Variants in ERO1A observed in about 807,000 individuals in gnomAD.
The protein encoded by ERO1A is endoplasmic reticulum oxidoreductase 1 alpha, also known as ERO1-like protein alpha.
In ERO1A, 49 loss-of-function variants were observed where a neutral mutation model predicts 76.9. The ratio of observed to expected loss-of-function variants is 0.64; its 90% CI spans 0.51 to 0.81. The LOEUF is 0.81. ERO1A is among the 30% of genes least tolerant of loss of function. The pLI is 0.00. For synonymous variants in ERO1A, 174 were observed against 181.2 expected (o/e 0.96, Z 0.32); for missense variants, 448 against 542.1 (o/e 0.83, Z 1.72).
In ERO1A at chr14:52,643,310, T is replaced by C; in HGVS notation, c.*260A>G. ...TCACTTTTATCATATATGAATTTGA[T>C]AATCCTCCTTTTATTCAATATTAAA... On this transcript the variant is annotated 3_prime_UTR_variant, in exon 16 of 16. Coordinates refer to ENST00000395686, the MANE Select transcript of ERO1A (RefSeq NM_014584.3). 7.6e-6 allele frequency: 2 copies of C among 261,510 alleles called. No individual in the cohort carries two copies. The highest frequency in any genetic ancestry group is 7.1e-6 in the Non-Finnish European group (1 of 141,340). 16.2% of individuals were successfully genotyped at this position (261,510 alleles called of 1,614,324 possible). A position where few individuals can be genotyped will look rare whatever the true frequency, so the allele number is the denominator to read the frequency against.
At position 52,695,372 on chromosome 14, in the gene ERO1A, C is replaced by T; in HGVS notation, c.110G>A (p.Cys37Tyr). 1 of 1,467,822 alleles carries T rather than the reference C, an allele frequency of 6.8e-7. No homozygotes were observed. Among genetic ancestry groups the T allele is most frequent in the Non-Finnish European group, 9.1e-7 (1 of 1,099,614 alleles). 90.9% of individuals were successfully genotyped at this position (1,467,822 alleles called of 1,614,324 possible). The change falls in exon 1 of 16, where the codon TGC (cysteine) becomes TAC (tyrosine). Residue 37 changes from cysteine (C) to tyrosine (Y), a missense_variant. By Grantham distance (194) the Cys-to-Tyr change is radical. Coordinates refer to ENST00000395686, the MANE Select transcript of ERO1A (RefSeq NM_014584.3). ...ACCAACGCGCACATCGCTCACCTGG[C>T]AGAAGCACCTCTGTGCCGCTGTCTC... ...PPETAAQRCFCQVSGYLDDCT... is the reference protein window; with the variant it reads ...PPETAAQRCFYQVSGYLDDCT...
chr14:52,653,112 C>T lies in ERO1A; in HGVS notation c.1012G>A (p.Glu338Lys), dbSNP rs1313836546. 1.3e-6 allele frequency: 2 copies of T among 1,591,590 alleles called. No homozygotes were observed. Among genetic ancestry groups the T allele is most frequent in the South Asian group, 2.2e-5 (2 of 90,542 alleles). The change falls in exon 12 of 16, where the codon GAG (glutamate) becomes AAG (lysine). Residue 338 changes from glutamate to lysine, a missense_variant. Coordinates refer to ENST00000395686, the MANE Select transcript of ERO1A (RefSeq NM_014584.3). ...QLFTGNKIQD[E>K]ENKMLLLEIL... The stretch of plus-strand genomic sequence containing the variant: ...TCCAGAAGTAACATTTTGTTTTCCT[C>T]ATCCTGAATTTTATTTCCAGTAAAG...
At chr14:52,646,968 GGTTTCT>G (rs1405486623) in intron 13 of ERO1A, 2 of 112,666 alleles carry the variant, frequency 1.8e-5, no homozygotes, top group Non-Finnish European at 3.5e-5. Context: ...AAAATCCTTT[GGTTTCT>G]TTTTTTTTTT....
intron 6 of ERO1A, among the ~76,000 whole-genome samples, chr14:52,669,461 T>G (rs1282217811): frequency 6.6e-6 from 1 of 152,154 alleles, no homozygotes; most frequent in Non-Finnish European, 1.5e-5. Flanking sequence ...TGGGAGAACA[T>G]CTTATCCCCT....
chr14:52,651,318 C>T (rs2039860040), intron 13 of ERO1A, among the ~76,000 whole-genome samples: 1 of 152,004 alleles, frequency 6.6e-6, no homozygotes, highest in Admixed American at 6.6e-5. Flanking sequence ...AATGACAAAA[C>T]ATCACACTGT....
intron 8 of ERO1A, among the ~76,000 whole-genome samples, chr14:52,662,204 GGTAA>G (rs1422953553): frequency 6.6e-6 from 1 of 152,036 alleles, no homozygotes; most frequent in Non-Finnish European, 1.5e-5. Context: ...GTATCTTTAT[GGTAA>G]GTGACGTGGT....
At chr14:52,666,610 G>T in intron 6 of ERO1A, 115 bp from the exon 7 acceptor site, 2 of 1,004,520 alleles carry the variant, frequency 2.0e-6, no homozygotes, top group Non-Finnish European at 2.8e-6. Flanking sequence ...AATGTGTCAG[G>T]AATTTTAAAA....
At chr14:52,682,636 T>C (rs1326021551) in intron 2 of ERO1A, among the ~76,000 whole-genome samples, 1 of 152,160 alleles carries the variant, frequency 6.6e-6, no homozygotes, top group Non-Finnish European at 1.5e-5. Flanking sequence ...CAGTGGCTTA[T>C]GCCTGTAATC....
intron 1 of ERO1A, among the ~76,000 whole-genome samples, chr14:52,693,086 A>G (rs2041412568): frequency 8.0e-6 from 1 of 125,130 alleles, no homozygotes; most frequent in Non-Finnish European, 1.6e-5. Flanking sequence ...AATTTCTGTT[A>G]AAACTGTTTT....
At chr14:52,695,260 G>A (rs1243860961) in intron 1 of ERO1A, 108 bp downstream of exon 1, 1 of 693,572 alleles carries the variant, frequency 1.4e-6, no homozygotes, top group African/African-American at 1.9e-5. Flanking sequence ...TTCCCGGTGG[G>A]AAGAGATGCA....
chr14:52,654,719 TTGC>T (rs2039986463), intron 11 of ERO1A, among the ~76,000 whole-genome samples: 1 of 152,224 alleles, frequency 6.6e-6, no homozygotes, highest in South Asian at 2.1e-4. Flanking sequence ...AAGCTAAATC[TTGC>T]TGAATTTTAA....
At chr14:52,667,988 CCAATT>C (rs2040468205) in intron 6 of ERO1A, among the ~76,000 whole-genome samples, 1 of 150,584 alleles carries the variant, frequency 6.6e-6, no homozygotes, top group African/African-American at 2.4e-5. Context: ...ATTTTTTACT[CCAATT>C]CACAGTATAT....
At chr14:52,692,963 T>C (rs956952368) in intron 1 of ERO1A, among the ~76,000 whole-genome samples, 4 of 150,854 alleles carry the variant, frequency 2.7e-5, no homozygotes, top group East Asian at 1.9e-4. Flanking sequence ...GTTTCACTTA[T>C]AGAATTGGAA....
At chr14:52,663,749 A>C in intron 8 of ERO1A, 52 bp downstream of exon 8, 1 of 1,129,628 alleles carries the variant, frequency 8.9e-7, no homozygotes, top group Non-Finnish European at 1.3e-6. Context: ...CTTCCTTTGA[A>C]TTAAAGTTCC....
At chr14:52,694,782 A>C (rs533066283) in intron 1 of ERO1A, among the ~76,000 whole-genome samples, 2 of 152,348 alleles carry the variant, frequency 1.3e-5, no homozygotes, top group South Asian at 4.1e-4. Flanking sequence ...TCACGATAAG[A>C]GAATCTCATT....
intron 9 of ERO1A, among the ~76,000 whole-genome samples, chr14:52,659,799 TTG>T (rs140211207): frequency 1.7e-4 from 26 of 148,730 alleles, no homozygotes; most frequent in Admixed American, 2.0e-4. Flanking sequence ...AGTTCAGTGT[TTG>T]TGTGTGTGTG....
rs754877599 is a variant in ERO1A, at chr14:52,652,249, T to A, written c.1115A>T (p.His372Leu). The A allele has an allele frequency of 1.9e-6, 3 of 1,598,598 alleles. No individual in the cohort carries two copies. Among genetic ancestry groups the A allele is most frequent in the Non-Finnish European group, 2.6e-6 (3 of 1,165,864 alleles). ...GTATAAAGTAATTACCTTTAGTTTGTGTGCTTCTTTTTTATCCCCAGCAAA... is the reference window on the plus strand; with the variant it reads ...GTATAAAGTAATTACCTTTAGTTTGAGTGCTTCTTTTTTATCCCCAGCAAA... Reference protein sequence around the residue: ...SFFAGDKKEAHKLKEDFRLHF... With the variant: ...SFFAGDKKEALKLKEDFRLHF... Residue 372 changes from histidine to leucine, a missense_variant, in exon 13 of 16, where the codon CAC (histidine) becomes CTC (leucine). By Grantham distance (99) the His-to-Leu change is moderately conservative. Around this residue, in one of 2 missense-constraint regions of ERO1A, gnomAD observed 302 missense variants for 411.9 expected, o/e 0.73. Coordinates refer to ENST00000395686, the MANE Select transcript of ERO1A (RefSeq NM_014584.3).
rs1220101607 is a variant in ERO1A, at chr14:52,653,291, C to T, written c.833G>A (p.Gly278Glu). The T allele has an allele frequency of 6.2e-7, 1 of 1,604,762 alleles. No individual in the cohort carries two copies. Among genetic ancestry groups the T allele is most frequent in the Non-Finnish European group, 8.5e-7 (1 of 1,176,194 alleles). The change falls in exon 12 of 16, where the codon GGA becomes GAA. Residue 278 changes from glycine (G) to glutamate (E), a missense_variant. By Grantham distance (98) the Gly-to-Glu change is moderately conservative. Transcript: ENST00000395686. ...CTGTTGAAATTCTGTAATGTTGTGT[C>T]CCCATTTCTTTTCTAACCAGGTCTC... is the stretch of plus-strand genomic sequence containing the variant. The part of the protein sequence containing the change: ...LQETWLEKKW[G>E]HNITEFQQRF...
At chr14:52,665,205 G>C (rs1012097515) in intron 7 of ERO1A, among the ~76,000 whole-genome samples, 1 of 151,498 alleles carries the variant, frequency 6.6e-6, no homozygotes, top group African/African-American at 2.4e-5. Context: ...AGGAGGCTGA[G>C]GCAGGAGAAT....
Sources: allele counts gnomAD v4.1 joint callset (sites outside exome capture counted in the v4.1 genomes callset), GRCh38; gene constraint gnomAD v4.1.1; regional missense constraint gnomAD v4.1.1; transcripts MANE v1.5; gene names NCBI Gene and HGNC (gene_info 2026-07-23, HGNC 2026-07-21).